Variants in PKN2 observed in about 807,000 individuals in gnomAD.
The protein encoded by PKN2 is protein kinase N2, also known as serine/threonine-protein kinase N2.
In PKN2, 38 loss-of-function variants were observed where a neutral mutation model predicts 119.1. The ratio of observed to expected loss-of-function variants is 0.32; its 90% CI spans 0.25 to 0.42. The LOEUF is 0.42. PKN2 is among the 10% of genes least tolerant of loss of function. The pLI is 1.00. For missense variants in PKN2, 850 were observed against 1,165.1 expected, an observed-to-expected ratio of 0.73 and a Z score of 3.94; for synonymous variants, 390 against 384.9, an observed-to-expected ratio of 1.01 and a Z score of -0.15.
chr1:88,712,012 C>G (rs1028077906), intron 1 of PKN2, among the ~76,000 whole-genome samples: 3 of 151,764 alleles, frequency 2.0e-5, no homozygotes, highest in African/African-American at 7.3e-5. Flanking sequence ...TACTTTTTTC[C>G]CTCTAAGCCT....
intron 1 of PKN2, among the ~76,000 whole-genome samples, chr1:88,709,227 A>G (rs1391989955): frequency 6.6e-6 from 1 of 150,830 alleles, no homozygotes; most frequent in Non-Finnish European, 1.5e-5. Context: ...CTAATTTTTA[A>G]TTTTTTTAGT....
At chr1:88,684,726 C>A in intron 1 of PKN2, 98 bp downstream of exon 1, 1 of 1,067,314 alleles carries the variant, frequency 9.4e-7, no homozygotes, top group Non-Finnish European at 1.3e-6. Flanking sequence ...GGCCGCCGCG[C>A]CCCTAGCCCG....
chr1:88,816,579 A>G (rs969547727), intron 16 of PKN2, among the ~76,000 whole-genome samples: 2 of 152,180 alleles, frequency 1.3e-5, no homozygotes, highest in African/African-American at 4.8e-5. Flanking sequence ...CGTTTATTTT[A>G]ATAAACTTCA....
At chr1:88,811,940 G>A (rs1217749154) in intron 15 of PKN2, among the ~76,000 whole-genome samples, 1 of 152,140 alleles carries the variant, frequency 6.6e-6, no homozygotes, top group African/African-American at 2.4e-5. Flanking sequence ...TATAAAAGAG[G>A]TTGGATTTTT....
chr1:88,695,883 A>G (rs1399680545), intron 1 of PKN2, among the ~76,000 whole-genome samples: 1 of 151,960 alleles, frequency 6.6e-6, no homozygotes, highest in East Asian at 1.9e-4. Context: ...TGTACCCTCA[A>G]ATTTCTTTCT....
intron 1 of PKN2, among the ~76,000 whole-genome samples, chr1:88,727,272 A>G (rs1313850367): frequency 2.7e-5 from 4 of 146,880 alleles, no homozygotes; most frequent in Non-Finnish European, 6.0e-5. Flanking sequence ...ATTCTTTCCT[A>G]TCCTTTTTAG....
chr1:88,806,093 GT>G (rs1203895101), intron 12 of PKN2, 76 bp downstream of exon 12: 1 of 1,229,510 alleles, frequency 8.1e-7, no homozygotes, highest in Non-Finnish European at 1.2e-6. Flanking sequence ...TGAATAAGGC[GT>G]GTCTTTCCAT....
At chr1:88,789,782 A>G (rs1377499623) in intron 8 of PKN2, among the ~76,000 whole-genome samples, 1 of 151,994 alleles carries the variant, frequency 6.6e-6, no homozygotes, top group Non-Finnish European at 1.5e-5. Flanking sequence ...ACTACATGAA[A>G]GAAGATTGGA....
At chr1:88,825,902 A>G (rs1672481584) in intron 18 of PKN2, among the ~76,000 whole-genome samples, 1 of 152,154 alleles carries the variant, frequency 6.6e-6, no homozygotes, top group Non-Finnish European at 1.5e-5. Context: ...TTTTTGCTGC[A>G]GCAACAATGA....
Position 88,833,109 on chromosome 1 carries a change from G to A in PKN2, c.2703G>A (p.Gly901=). Residue 901 remains glycine, a synonymous_variant, in exon 21 of 22, where the codon GGG becomes GGA. Coordinates refer to ENST00000370521, the MANE Select transcript of PKN2 (RefSeq NM_006256.4). The part of the protein sequence containing the change: ...LLRRNPERRL[G]ASEKDAEDVK... ...GAAGAAATCCTGAACGGCGCCTTGG[G>A]GCTAGCGAGAAAGATGCAGAGGATG... 1.2e-6 allele frequency: 2 copies of A among 1,612,832 alleles called. No individual in the cohort carries two copies. Among genetic ancestry groups the A allele is most frequent in the Non-Finnish European group, 1.7e-6 (2 of 1,179,370 alleles).
At chr1:88,740,256 C>T (rs754569851) in intron 1 of PKN2, among the ~76,000 whole-genome samples, 2 of 151,928 alleles carry the variant, frequency 1.3e-5, no homozygotes, top group South Asian at 4.2e-4. Flanking sequence ...TATAGTTTTC[C>T]CAAGCCCTAG....
rs1671524119 is a variant in PKN2, at chr1:88,806,015, C to T, written c.1801C>T (p.Gln601Ter). The T allele has an allele frequency of 1.2e-6, 2 of 1,612,102 alleles. No individual in the cohort carries two copies. The highest frequency in any genetic ancestry group is 1.7e-6 in the Non-Finnish European group (2 of 1,178,398). ...ATTAAGAGTTTTGGATATACCAGGA[C>T]AGGCAAGCCATTTTAAACCTTGCAT... is the stretch of plus-strand genomic sequence containing the variant. Reference protein sequence around the residue: ...SELRVLDIPGQDSETVFDIQN... With the variant: ...SELRVLDIPG Residue 601 changes from glutamine (Q) to a stop codon, truncating the protein, a stop_gained and splice_region_variant, in exon 12 of 22, where the codon CAG (glutamine) becomes TAG (stop). Transcript: ENST00000370521. LOFTEE classifies it high-confidence loss of function.
At chr1:88,812,451 T>C (rs1011178388) in intron 15 of PKN2, among the ~76,000 whole-genome samples, 2 of 152,136 alleles carry the variant, frequency 1.3e-5, no homozygotes, top group African/African-American at 4.8e-5. Flanking sequence ...ATAAAAACTA[T>C]GGACAGGGGC....
rs115304356 is a variant in PKN2 at position 88,736,996 on chromosome 1, A to G, written c.49-3992A>G. On this transcript the variant is annotated intron_variant, in intron 1 of 21. Transcript: ENST00000370521. ...CTCAGTGCTTGGGCCTCACCATGGC[A>G]TGCTCCAAAGCAACATTGTGTACCT... 1.9e-3 allele frequency among the ~76,000 whole-genome samples: 291 copies of G among 152,278 alleles called. 1 individual carries two copies. Among genetic ancestry groups the G allele is most frequent in the Non-Finnish European group, 3.6e-3 (242 of 68,022 alleles).
intron 15 of PKN2, among the ~76,000 whole-genome samples, chr1:88,808,868 C>T (rs1570664427): frequency 6.6e-6 from 1 of 152,248 alleles, no homozygotes; most frequent in South Asian, 2.1e-4. Flanking sequence ...CTTTTCTCGT[C>T]CTCATTGCTC....
intron 1 of PKN2, among the ~76,000 whole-genome samples, chr1:88,691,595 C>T (rs1174355319): frequency 6.6e-6 from 1 of 152,154 alleles, no homozygotes; most frequent in Non-Finnish European, 1.5e-5. Flanking sequence ...CCACCACTCC[C>T]CCTCTCTCAA....
intron 2 of PKN2, among the ~76,000 whole-genome samples, chr1:88,754,224 G>A (rs1669111629): frequency 6.6e-6 from 1 of 151,874 alleles, no homozygotes; most frequent in African/African-American, 2.4e-5. Context: ...ATATATTGGA[G>A]CTTATTTTTT....
chr1:88,688,111 A>G (rs1357689072), intron 1 of PKN2, among the ~76,000 whole-genome samples: 1 of 150,682 alleles, frequency 6.6e-6, no homozygotes, highest in African/African-American at 2.4e-5. Flanking sequence ...CTGGAGACGG[A>G]GTCTCGCACT....
intron 8 of PKN2, among the ~76,000 whole-genome samples, chr1:88,789,667 T>TAAC (rs1382606848): frequency 6.7e-6 from 1 of 149,248 alleles, no homozygotes; most frequent in Admixed American, 6.7e-5. Flanking sequence ...TATCTCATAA[T>TAAC]AATAATAATA....
Sources: gnomAD v4.1 joint callset for allele counts (sites outside exome capture counted in the v4.1 genomes callset) on GRCh38, gnomAD v4.1.1 for gene constraint, MANE v1.5 for transcripts, NCBI Gene and HGNC (gene_info 2026-07-23, HGNC 2026-07-21) for gene names.